PFKP: variants seen among roughly 807,000 people sequenced by gnomAD.
PFKP encodes ATP-dependent 6-phosphofructokinase, platelet type.
In PFKP, 101 loss-of-function variants were observed where a neutral mutation model predicts 94.3. The observed-to-expected ratio is 1.07, with a 90% CI of 0.91 to 1.26. The LOEUF is 1.26. Ranked by LOEUF, PFKP falls within the 50% of genes most tolerant of loss-of-function variation. The pLI is 0.00. For missense variants in PFKP, 1,145 were observed against 1,103.3 expected (o/e 1.04, Z -0.53); for synonymous variants, 573 against 432.6 (o/e 1.32, Z -4.03).
At chr10:3,100,829 T>C (rs1012558041) in intron 3 of PFKP, 8 of 659,496 alleles carry the variant, frequency 1.2e-5, no homozygotes, top group Admixed American at 5.5e-5. Flanking sequence ...CCTGAAGATA[T>C]AGCTCTTTAA....
chr10:3,088,792 C>G (rs1331039094), intron 2 of PFKP, among the ~76,000 whole-genome samples: 1 of 151,824 alleles, frequency 6.6e-6, no homozygotes, highest in Non-Finnish European at 1.5e-5. Flanking sequence ...ATATAGTCTT[C>G]TTCCCTTTTA....
intron 2 of PFKP, among the ~76,000 whole-genome samples, chr10:3,090,564 C>T (rs1005909600): frequency 4.6e-5 from 7 of 152,026 alleles, no homozygotes; most frequent in African/African-American, 1.4e-4. Context: ...GCCCCCTCCC[C>T]GGCCTGGTCT....
chr10:3,107,767 T>C, intron 8 of PFKP: 1 of 985,400 alleles, frequency 1.0e-6, no homozygotes, highest in African/African-American at 1.7e-5. Context: ...CACTGTGTCC[T>C]CGTGGCCCTG....
intron 13 of PFKP, among the ~76,000 whole-genome samples, chr10:3,114,561 G>A (rs1199949999): frequency 2.0e-5 from 3 of 152,276 alleles, no homozygotes; most frequent in Admixed American, 6.5e-5. Flanking sequence ...GACAGTGGCT[G>A]AGGATCCTCC....
intron 2 of PFKP, among the ~76,000 whole-genome samples, chr10:3,093,614 G>A (rs528480353): frequency 1.3e-5 from 2 of 148,774 alleles, no homozygotes; most frequent in East Asian, 2.0e-4. Flanking sequence ...CCAGGGTGAC[G>A]ATAACCACAG....
intron 1 of PFKP, among the ~76,000 whole-genome samples, chr10:3,077,354 C>T (rs914297234): frequency 2.6e-4 from 38 of 146,230 alleles, no homozygotes; most frequent in African/African-American, 7.6e-4. Flanking sequence ...CTCCACCTCC[C>T]GGGTTCAAGC....
intron 10 of PFKP, among the ~76,000 whole-genome samples, chr10:3,110,260 G>C (rs941161569): frequency 2.7e-4 from 41 of 151,890 alleles, no homozygotes; most frequent in African/African-American, 9.0e-4. Flanking sequence ...GTGCAGTGGC[G>C]TGATCTTGGC....
intron 18 of PFKP, 53 bp downstream of exon 18, chr10:3,132,494 C>T: frequency 7.9e-7 from 1 of 1,267,060 alleles, no homozygotes; most frequent in East Asian, 2.3e-5. Context: ...CACCCTGGTT[C>T]TTAGATTCTA....
At chr10:3,088,410 G>C (rs905218660) in intron 2 of PFKP, among the ~76,000 whole-genome samples, 89 of 152,152 alleles carry the variant, frequency 5.8e-4, no homozygotes, top group African/African-American at 2.0e-3. Context: ...TGGGCATTTG[G>C]GGTGGTTCCA....
At chr10:3,084,345 C>G (rs1053510899) in intron 2 of PFKP, among the ~76,000 whole-genome samples, 1 of 152,208 alleles carries the variant, frequency 6.6e-6, no homozygotes, top group Non-Finnish European at 1.5e-5. Flanking sequence ...CTTTCTAAGC[C>G]ATGTTTCCCT....
intron 3 of PFKP, 55 bp downstream of exon 3, chr10:3,099,407 T>G (rs372924765): frequency 1.2e-4 from 158 of 1,361,264 alleles, no homozygotes; most frequent in Middle Eastern, 1.8e-4. Flanking sequence ...CTTTTATGTC[T>G]AGTAAATTCC....
At position 3,119,680 on chromosome 10, in the gene PFKP, G is replaced by A. The variant is rs534857032; in HGVS notation, c.1531-212G>A. On this transcript the variant is annotated intron_variant, in intron 15 of 21. Coordinates refer to ENST00000381125, the MANE Select transcript of PFKP (RefSeq NM_002627.5). Reference sequence around the variant, plus strand: ...CCATGAGAGGTTTAGTCATCTAACCGATCATGTCTGTCCTGCGCCCTTTGT... The same window carrying A: ...CCATGAGAGGTTTAGTCATCTAACCAATCATGTCTGTCCTGCGCCCTTTGT... Among the ~76,000 whole-genome samples, 7 of 152,320 alleles carry A rather than the reference G, an allele frequency of 4.6e-5. No individual in the cohort carries two copies. In the East Asian group the frequency reaches 5.8e-4, roughly 13 times the overall value.
intron 2 of PFKP, among the ~76,000 whole-genome samples, chr10:3,093,896 G>A (rs886189933): frequency 1.3e-5 from 2 of 152,242 alleles, no homozygotes; most frequent in African/African-American, 2.4e-5. Flanking sequence ...GCCCGCCTTG[G>A]CCTCCCAAAG....
intron 2 of PFKP, among the ~76,000 whole-genome samples, chr10:3,096,543 T>C (rs1834493267): frequency 6.6e-6 from 1 of 151,956 alleles, no homozygotes; most frequent in Non-Finnish European, 1.5e-5. Flanking sequence ...CCATCATGGG[T>C]CATCTTTTCT....
chr10:3,122,330 C>CTGGCG (rs1271952787), intron 16 of PFKP, among the ~76,000 whole-genome samples: 2 of 152,150 alleles, frequency 1.3e-5, no homozygotes, highest in Non-Finnish European at 2.9e-5. Context: ...CGAGGTCACC[C>CTGGCG]TGGCGAATGC....
rs977730512 is a variant in PFKP at position 3,134,421 on chromosome 10, T to A, written c.2023-62T>A. The A allele has an allele frequency of 2.8e-5, 20 of 714,772 alleles. No individual in the cohort carries two copies. The Admixed American group carries it at 4.0e-4, about 14-fold the overall frequency. The allele number at this position is 714,772 out of a possible 1,614,324, so 44.3% of individuals were successfully genotyped here. Reference sequence around the variant, plus strand: ...ATTCTGCAAAATAGAAATTGTCATTTCTATTTAACAGCAAAGTGTTACTGT... The same window carrying A: ...ATTCTGCAAAATAGAAATTGTCATTACTATTTAACAGCAAAGTGTTACTGT... On this transcript the variant is annotated intron_variant, in intron 19 of 21. Transcript: ENST00000381125.
chr10:3,079,570 A>G (rs899275418), intron 1 of PFKP, among the ~76,000 whole-genome samples: 4 of 148,126 alleles, frequency 2.7e-5, no homozygotes, highest in Non-Finnish European at 5.9e-5. Context: ...TCCTTCTTCT[A>G]TGTCTTTCCA....
At position 3,105,473 on chromosome 10, in the gene PFKP, A is replaced by G. The variant is rs1360655444; in HGVS notation, c.746A>G (p.Glu249Gly). ...GAATCTCCACCAGAGGAAGGCTGGGAGGAGCAGATGTGTGTCAAACTCTCG... is the reference window on the plus strand; with the variant it reads ...GAATCTCCACCAGAGGAAGGCTGGGGGGAGCAGATGTGTGTCAAACTCTCG... ...LPESPPEEGW[E>G]EQMCVKLSEN... Residue 249 changes from glutamate to glycine, a missense_variant, in exon 7 of 22, where the codon GAG becomes GGG. Coordinates refer to ENST00000381125, the MANE Select transcript of PFKP (RefSeq NM_002627.5). 6.2e-7 allele frequency: 1 copy of G among 1,613,456 alleles called. No individual in the cohort carries two copies. The highest frequency in any genetic ancestry group is 8.5e-7 in the Non-Finnish European group (1 of 1,179,720).
intron 14 of PFKP, among the ~76,000 whole-genome samples, chr10:3,117,283 A>C (rs1272303049): frequency 1.3e-5 from 2 of 152,144 alleles, no homozygotes. Flanking sequence ...CAGCCGAGGA[A>C]AGGACCCAAG....
Sources: allele counts gnomAD v4.1 joint callset (sites outside exome capture counted in the v4.1 genomes callset), GRCh38; gene constraint gnomAD v4.1.1; transcripts MANE v1.5; gene names NCBI Gene and HGNC (gene_info 2026-07-23, HGNC 2026-07-21).